SPG11: variants seen among roughly 807,000 people sequenced by gnomAD.
SPG11 encodes spatacsin.
SPG11 carries 222 observed loss-of-function variants against 274.0 expected under a neutral mutation model. The ratio of observed to expected loss-of-function variants is 0.81; its 90% CI spans 0.73 to 0.91. The LOEUF (loss-of-function observed/expected upper bound fraction) is 0.91. Ranked by LOEUF, SPG11 falls within the 40% of genes least tolerant of loss-of-function variation. SPG11 has a pLI of 0.00. For missense variants in SPG11, 3,114 were observed against 2,872.7 expected (o/e 1.08, Z -1.92); for synonymous variants, 1,144 against 1,039.7 (o/e 1.10, Z -1.93).
At chr15:44,610,233 G>A (rs907089416) in intron 18 of SPG11, among the ~76,000 whole-genome samples, 3 of 149,186 alleles carry the variant, frequency 2.0e-5, no homozygotes, top group African/African-American at 4.9e-5. Context: ...TTTTTTTTTT[G>A]TGGAGATGGA....
intron 38 of SPG11, 44 bp downstream of exon 38, chr15:44,565,810 A>G (rs2082295386): frequency 6.2e-7 from 1 of 1,611,426 alleles, no homozygotes; most frequent in Non-Finnish European, 8.5e-7. Flanking sequence ...ACAGAAGGAG[A>G]GAGGATGCTA....
chr15:44,572,769 A>C lies in SPG11; in HGVS notation c.6257T>G (p.Leu2086Arg), dbSNP rs2082449575. 1 of 1,614,126 alleles carries C rather than the reference A, an allele frequency of 6.2e-7. No individual in the cohort carries two copies. The highest frequency in any genetic ancestry group is 1.3e-5 in the African/African-American group (1 of 75,044). The change falls in exon 33 of 40, where the codon CTG becomes CGG. Residue 2086 changes from leucine to arginine, a missense_variant. Coordinates refer to ENST00000261866, the MANE Select transcript of SPG11 (RefSeq NM_025137.4). ...TGTGCGGTCTTGACACAGAGTGGTC[A>C]GCTGAAGAAATGTCTGGCTTTCCTC... ...PTEESQTFLQ[L>R]TTLCQDRTLV...
In SPG11 at chr15:44,620,194, C is replaced by A; in HGVS notation, c.2830G>T (p.Ala944Ser). 6.8e-6 allele frequency: 11 copies of A among 1,612,238 alleles called. No individual in the cohort carries two copies. The highest frequency in any genetic ancestry group is 8.5e-6 in the Non-Finnish European group (10 of 1,178,458). The change falls in exon 15 of 40, where the codon GCC becomes TCC. Residue 944 changes from alanine to serine, a missense_variant. Physicochemically the swap from Ala to Ser is moderately conservative, Grantham distance 99. Coordinates refer to ENST00000261866, the MANE Select transcript of SPG11 (RefSeq NM_025137.4). The part of the protein sequence containing the change: ...YMRNEILDKL[A>S]RNGVFLASEL... The stretch of plus-strand genomic sequence containing the variant: ...TTAGTTCAACAGTTATAATACCTGG[C>A]CAGCTTATCTAAAATTTCATTCCTC...
intron 20 of SPG11, chr15:44,604,280 G>A: frequency 3.1e-6 from 1 of 325,724 alleles, no homozygotes; most frequent in Non-Finnish European, 6.2e-6. Context: ...TTCCCTCTTT[G>A]AGATTAAAAA....
At chr15:44,628,316 A>G (rs981968056) in intron 10 of SPG11, among the ~76,000 whole-genome samples, 2 of 152,246 alleles carry the variant, frequency 1.3e-5, no homozygotes, top group Non-Finnish European at 2.9e-5. Context: ...CAGCAATTCA[A>G]TTTATCCAGT....
At chr15:44,585,975 A>T in intron 28 of SPG11, 125 bp from the exon 29 acceptor site, 1 of 811,652 alleles carries the variant, frequency 1.2e-6, no homozygotes, top group South Asian at 1.6e-5. Flanking sequence ...AAGGAAAAAT[A>T]AAAAGCTGTT....
At chr15:44,617,765 T>A (rs1466546543) in intron 15 of SPG11, among the ~76,000 whole-genome samples, 1 of 152,158 alleles carries the variant, frequency 6.6e-6, no homozygotes, top group Non-Finnish European at 1.5e-5. Context: ...AACCTCCACC[T>A]CCTGAGTTCA....
At chr15:44,565,128 G>T (rs1412858548) in intron 38 of SPG11, among the ~76,000 whole-genome samples, 1 of 152,188 alleles carries the variant, frequency 6.6e-6, no homozygotes, top group East Asian at 1.9e-4. Context: ...TGAAAGGGCT[G>T]ATTCCCTGAT....
chr15:44,614,716 A>C (rs1004312148), intron 16 of SPG11, among the ~76,000 whole-genome samples: 2 of 152,138 alleles, frequency 1.3e-5, no homozygotes, highest in Non-Finnish European at 2.9e-5. Context: ...GGGAGTAACT[A>C]CCCCATAGAG....
intron 7 of SPG11, among the ~76,000 whole-genome samples, chr15:44,634,357 C>T (rs1307142842): frequency 1.3e-5 from 2 of 152,124 alleles, no homozygotes; most frequent in African/African-American, 4.8e-5. Flanking sequence ...TCACTGCAAC[C>T]TCTGCCTGCC....
At chr15:44,577,087 C>T (rs1200437368) in intron 30 of SPG11, among the ~76,000 whole-genome samples, 1 of 152,158 alleles carries the variant, frequency 6.6e-6, no homozygotes, top group Non-Finnish European at 1.5e-5. Context: ...CTTGGCCTCC[C>T]AAAGTGCTGG....
At position 44,586,215 on chromosome 15, in the gene SPG11, G is replaced by A. The variant is rs2555355; in HGVS notation, c.4907-365C>T. Among the ~76,000 whole-genome samples the A allele has an allele frequency of 0.39, 58,567 of 151,120 alleles. 12,112 individuals carry two copies. Among genetic ancestry groups the A allele is most frequent in the Admixed American group, 0.5 (7,607 of 15,200 alleles). On this transcript the variant is annotated intron_variant, in intron 28 of 39. Coordinates refer to ENST00000261866, the MANE Select transcript of SPG11 (RefSeq NM_025137.4). ...GTCCAGGCTGCTCTCGACCGTGCCC[G>A]GACAAAAAAAACTATTTTTCTACTC...
intron 16 of SPG11, among the ~76,000 whole-genome samples, chr15:44,613,935 T>C (rs903580441): frequency 2.0e-5 from 3 of 152,130 alleles, no homozygotes; most frequent in Admixed American, 2.0e-4. Flanking sequence ...TTCCAGTTAC[T>C]TGGGAGGCGG....
intron 33 of SPG11, among the ~76,000 whole-genome samples, chr15:44,571,894 G>A (rs965212009): frequency 7.2e-5 from 11 of 151,740 alleles, no homozygotes; most frequent in African/African-American, 2.7e-4. Context: ...TGGGCTCAAG[G>A]GATCCTCCCA....
rs914692956 is a variant in SPG11 at position 44,585,675 on chromosome 15, T to C, written c.5082A>G (p.Glu1694=). ...GQFALARRVA[E]LAELPVDNLV... ...AGTTGTCCACAGGTAACTCAGCTAA[T>C]TCTGCTACCCTCCTGGCCAAAGCGA... The change falls in exon 29 of 40, where the codon GAA becomes GAG. Residue 1694 remains glutamate (E), a synonymous_variant. Transcript: ENST00000261866. 8 of 1,612,816 alleles carry C rather than the reference T, an allele frequency of 5.0e-6. No homozygotes were observed. The highest frequency in any genetic ancestry group is 1.7e-5 in the Admixed American group (1 of 59,922).
At chr15:44,633,926 T>C (rs1341105762) in intron 7 of SPG11, among the ~76,000 whole-genome samples, 2 of 151,994 alleles carry the variant, frequency 1.3e-5, no homozygotes, top group Non-Finnish European at 2.9e-5. Flanking sequence ...GCAACCTTTA[T>C]CTCTCAGGTT....
At chr15:44,623,644 T>C (rs538316132) in intron 11 of SPG11, among the ~76,000 whole-genome samples, 3 of 152,190 alleles carry the variant, frequency 2.0e-5, no homozygotes, top group African/African-American at 7.2e-5. Context: ...CAATACAGAA[T>C]GTCCTCCAAC....
intron 18 of SPG11, 57 bp downstream of exon 18, chr15:44,610,783 G>A: frequency 6.8e-7 from 1 of 1,464,744 alleles, no homozygotes; most frequent in Non-Finnish European, 9.6e-7. Flanking sequence ...ACAATCCATA[G>A]ATAATTCTGC....
In SPG11 at chr15:44,625,773, G is replaced by C. The variant is rs186327459; in HGVS notation, c.2244+558C>G. Among the ~76,000 whole-genome samples, 86 of 152,230 alleles carry C rather than the reference G, an allele frequency of 5.6e-4. 1 individual carries two copies. The highest frequency in any genetic ancestry group is 2.0e-3 in the African/African-American group (85 of 41,526). On this transcript the variant is annotated intron_variant, in intron 11 of 39. Transcript: ENST00000261866. ...GGCTCACTGCAACCTCTGCCTGCTG[G>C]GTTCAAGCAATTTTCCCTGCCTCAG...
Sources: allele counts gnomAD v4.1 joint callset (sites outside exome capture counted in the v4.1 genomes callset), GRCh38; gene constraint gnomAD v4.1.1; transcripts MANE v1.5; gene names NCBI Gene and HGNC (gene_info 2026-07-23, HGNC 2026-07-21).